The following PCMT1 variants were observed in gnomAD, a reference collection of about 807,000 sequenced individuals.
PCMT1 encodes the protein protein-L-isoaspartate(D-aspartate) O-methyltransferase.
In PCMT1, 9 loss-of-function variants were observed where a neutral mutation model predicts 29.2. The observed-to-expected ratio is 0.31, with a 90% CI of 0.19 to 0.54. The LOEUF is 0.54. Among genes scored for constraint, PCMT1 ranks in the 20% least tolerant of loss-of-function variants. The pLI is 0.95. For synonymous variants in PCMT1, 98 were observed against 97.5 expected, an observed-to-expected ratio of 1.00 and a Z score of -0.03; for missense variants, 184 against 282.2, an observed-to-expected ratio of 0.65 and a Z score of 2.49.
At chr6:149,771,459 C>T (rs924333770) in intron 2 of PCMT1, among the ~76,000 whole-genome samples, 193 bp downstream of exon 2, 8 of 151,996 alleles carry the variant, frequency 5.3e-5, no homozygotes, top group Non-Finnish European at 2.9e-5. Context: ...TTTTCTCGAA[C>T]AATATATAAT....
chr6:149,794,594 G>T (rs1169758713), intron 5 of PCMT1, among the ~76,000 whole-genome samples: 1 of 152,174 alleles, frequency 6.6e-6, no homozygotes, highest in African/African-American at 2.4e-5. Flanking sequence ...CTACAGTCTG[G>T]CGACAGAGCT....
At position 149,766,736 on chromosome 6, in the gene PCMT1, A is replaced by G. The variant is rs529381391; in HGVS notation, c.56-4426A>G. On this transcript the variant is annotated intron_variant, in intron 1 of 7. Coordinates refer to ENST00000464889, the MANE Select transcript of PCMT1 (RefSeq NM_001360452.2). ...GTTGTTTGCTGATCTCTGCTATAGA[A>G]TGTTTCTTTCACCCAAAAAGTTTTC... 2.0e-5 allele frequency among the ~76,000 whole-genome samples: 3 copies of G among 152,268 alleles called. No homozygotes were observed. The East Asian group carries it at 5.8e-4, about 29-fold the overall frequency.
chr6:149,782,818 A>T (rs1207007336), intron 3 of PCMT1, among the ~76,000 whole-genome samples: 1 of 152,174 alleles, frequency 6.6e-6, no homozygotes, highest in Non-Finnish European at 1.5e-5. Flanking sequence ...AGAAAAACAG[A>T]AGAATGTTAA....
At chr6:149,790,597 G>A (rs1187508932) in intron 4 of PCMT1, among the ~76,000 whole-genome samples, 1 of 150,030 alleles carries the variant, frequency 6.7e-6, no homozygotes, top group Non-Finnish European at 1.5e-5. Context: ...ATCTCATGGT[G>A]CAGGGACCCT....
intron 6 of PCMT1, chr6:149,799,142 AT>A (rs1788723253): frequency 6.6e-6 from 1 of 152,056 alleles, no homozygotes; most frequent in Admixed American, 6.6e-5. Context: ...GCGAGACCCC[AT>A]CTGTACAAAA....
chr6:149,786,057 C>A (rs1788037677), intron 3 of PCMT1, among the ~76,000 whole-genome samples: 2 of 148,156 alleles, frequency 1.3e-5, no homozygotes, highest in East Asian at 4.2e-4. Context: ...CACCTCCCTC[C>A]CGGACGGGGT....
In PCMT1 at chr6:149,767,533, G is replaced by A. The variant is rs1032981031; in HGVS notation, c.56-3629G>A. On this transcript the variant is annotated intron_variant, in intron 1 of 7. Transcript: ENST00000464889. ...AGTGGCATGATCAGGGCATACTGCA[G>A]CCTTGACCTCCCAAGCTCAAGCAAT... 1.1e-4 allele frequency among the ~76,000 whole-genome samples: 17 copies of A among 152,092 alleles called. No homozygotes were observed. In the South Asian group the frequency reaches 1.5e-3, roughly 13 times the overall value.
intron 3 of PCMT1, among the ~76,000 whole-genome samples, chr6:149,781,781 T>G (rs1312272673): frequency 6.6e-6 from 1 of 152,266 alleles, no homozygotes; most frequent in Non-Finnish European, 1.5e-5. Context: ...TTAACCATTT[T>G]AAGTGTACCA....
chr6:149,797,159 T>C (rs1303865078), intron 6 of PCMT1: 2 of 152,154 alleles, frequency 1.3e-5, no homozygotes, highest in African/African-American at 4.8e-5. Flanking sequence ...CTGTATTTGG[T>C]GTATGGGAGA....
chr6:149,772,933 C>T (rs773162125), intron 2 of PCMT1, among the ~76,000 whole-genome samples: 17 of 147,990 alleles, frequency 1.1e-4, no homozygotes, highest in Non-Finnish European at 7.4e-5. Flanking sequence ...AGTAGAATGG[C>T]GTGAACCTGG....
Position 149,796,415 on chromosome 6 carries a change from T to C in PCMT1, c.419T>C (p.Val140Ala). Residue 140 changes from valine (V) to alanine (A), a missense_variant and splice_region_variant, in exon 6 of 8, where the codon GTG (valine) becomes GCG (alanine). Transcript: ENST00000464889. ...TAAAGCATAGCTGTTTTTCTTTCAG[T>C]GGGGGATGGAAGAATGGGATATGCT... ...LLSSGRVQLV[V>A]GDGRMGYAEE... 1 of 1,610,656 alleles carries C rather than the reference T, an allele frequency of 6.2e-7. No individual in the cohort carries two copies. Among genetic ancestry groups the C allele is most frequent in the Admixed American group, 1.7e-5 (1 of 59,536 alleles).
intron 7 of PCMT1, among the ~76,000 whole-genome samples, chr6:149,802,861 C>T (rs1775881143): frequency 6.6e-6 from 1 of 151,700 alleles, no homozygotes; most frequent in Admixed American, 6.6e-5. Flanking sequence ...TGAGACTAGC[C>T]TGGCCAACAT....
At chr6:149,752,905 A>G (rs1449642815) in intron 1 of PCMT1, among the ~76,000 whole-genome samples, 1 of 152,138 alleles carries the variant, frequency 6.6e-6, no homozygotes, top group Admixed American at 6.5e-5. Context: ...TACTGTTCTT[A>G]GCTGAAATTT....
At chr6:149,751,441 A>C (rs1786315363) in intron 1 of PCMT1, among the ~76,000 whole-genome samples, 1 of 151,182 alleles carries the variant, frequency 6.6e-6, no homozygotes, top group Non-Finnish European at 1.5e-5. Context: ...GGTAATTGAG[A>C]GAAATTAGGA....
At chr6:149,760,580 G>T (rs531701607) in intron 1 of PCMT1, among the ~76,000 whole-genome samples, 1 of 152,258 alleles carries the variant, frequency 6.6e-6, no homozygotes, top group South Asian at 2.1e-4. Context: ...TGGGCCAGGT[G>T]TAGTGGCTCA....
At chr6:149,802,833 CA>C (rs1436935956) in intron 7 of PCMT1, among the ~76,000 whole-genome samples, 2 of 151,740 alleles carry the variant, frequency 1.3e-5, no homozygotes, top group Non-Finnish European at 2.9e-5. Context: ...GTGGGCGGAT[CA>C]CTTGAGGTCA....
chr6:149,809,216 A>G (rs1203087984), intron 7 of PCMT1, among the ~76,000 whole-genome samples: 1 of 133,300 alleles, frequency 7.5e-6, no homozygotes, highest in Non-Finnish European at 1.5e-5. Flanking sequence ...CCATGATCAC[A>G]CCACTGCACT....
intron 7 of PCMT1, among the ~76,000 whole-genome samples, chr6:149,803,366 T>C (rs1409088250): frequency 6.6e-6 from 1 of 152,158 alleles, no homozygotes; most frequent in Non-Finnish European, 1.5e-5. Context: ...ATTCTACAAG[T>C]TACCCAATGA....
chr6:149,782,601 G>C (rs1015775792), intron 3 of PCMT1, among the ~76,000 whole-genome samples: 2 of 152,164 alleles, frequency 1.3e-5, no homozygotes, highest in African/African-American at 4.8e-5. Context: ...GTACTCAAAG[G>C]CTGAGGAGGT....
Sources: allele counts gnomAD v4.1 joint callset (sites outside exome capture counted in the v4.1 genomes callset), GRCh38; gene constraint gnomAD v4.1.1; transcripts MANE v1.5; gene names NCBI Gene and HGNC (gene_info 2026-07-23, HGNC 2026-07-21).